OR6C2: variants seen among roughly 807,000 people sequenced by gnomAD.
OR6C2 encodes the protein olfactory receptor 6C2.
For synonymous variants in OR6C2, 146 were observed against 134.2 expected (o/e 1.09, Z -0.61); for missense variants, 435 against 365.8 (o/e 1.19, Z -1.54).
At chr12:55,445,831 C>A (rs1871351535) in intron 1 of OR6C2, among the ~76,000 whole-genome samples, 1 of 152,130 alleles carries the variant, frequency 6.6e-6, no homozygotes, top group South Asian at 2.1e-4. Context: ...AACAAACTTC[C>A]TTAATTGCCT....
chr12:55,450,509 A>C (rs559656909), intron 1 of OR6C2, among the ~76,000 whole-genome samples: 2 of 152,232 alleles, frequency 1.3e-5, no homozygotes, highest in East Asian at 3.9e-4. Context: ...AATAGGTAAC[A>C]CCAGTGGAAC....
Position 55,445,585 on chromosome 12 carries a change from G to T in OR6C2, c.-888+1426G>T, listed in dbSNP as rs114796842. The stretch of plus-strand genomic sequence containing the variant: ...AATAATTAATGCAGGCTAAGGACTG[G>T]AAGCAGTTATTGCTCCATGAACAGA... On this transcript the variant is annotated intron_variant, in intron 1 of 1. Transcript: ENST00000641202. 1.5e-3 allele frequency among the ~76,000 whole-genome samples: 235 copies of T among 152,276 alleles called. 2 individuals carry two copies. The highest frequency in any genetic ancestry group is 5.4e-3 in the African/African-American group (223 of 41,570).
Position 55,445,202 on chromosome 12 carries a change from T to C in OR6C2, c.-888+1043T>C, listed in dbSNP as rs76869304. Among the ~76,000 whole-genome samples the C allele has an allele frequency of 9.6e-3, 1,459 of 152,312 alleles. 19 individuals are homozygous for C. Among genetic ancestry groups the C allele is most frequent in the African/African-American group, 0.033 (1,369 of 41,562 alleles). On this transcript the variant is annotated intron_variant, in intron 1 of 1. Transcript: ENST00000641202. ...CTGGCCAGTATGCTCTGTTAGCATC[T>C]TCATTCTCATTATGCCAGATTCGTA...
chr12:55,453,219 C>A lies in OR6C2; in HGVS notation c.*67C>A. The A allele has an allele frequency of 2.6e-6, 3 of 1,138,696 alleles. No individual in the cohort carries two copies. The highest frequency in any genetic ancestry group is 5.0e-5 in the East Asian group (2 of 40,386). 70.5% of individuals were successfully genotyped at this position (1,138,696 alleles called of 1,614,324 possible). A position where few individuals can be genotyped will look rare whatever the true frequency, so the allele number is the denominator to read the frequency against. On this transcript the variant is annotated 3_prime_UTR_variant, in exon 2 of 2. Coordinates refer to ENST00000641202, the MANE Select transcript of OR6C2 (RefSeq NM_054105.2). ...CTAAATGTCATCCTACAGCTTTTAA[C>A]TTATTTCATTGCTTCCTGACTACAG...
rs749935857 is a variant in OR6C2, at chr12:55,452,795, A to AGTATAAC, written c.582_583insGTATAAC (p.Gln195ValfsTer2). 10 of 1,613,826 alleles carry AGTATAAC rather than the reference A, an allele frequency of 6.2e-6. No individual in the cohort carries two copies. In the East Asian group the frequency reaches 1.8e-4, roughly 29 times the overall value. On this transcript the variant is annotated stop_gained and frameshift_variant, in exon 2 of 2. Coordinates refer to ENST00000641202, the MANE Select transcript of OR6C2 (RefSeq NM_054105.2). LOFTEE classifies it low-confidence loss of function (END_TRUNC). ...CATGCTCAGATACATGGGTAATAGA[A>AGTATAAC]CAGATGGTTATACTTATGGCTGTAT...
chr12:55,452,360 G>A lies in OR6C2; in HGVS notation c.147G>A (p.Val49=). The A allele has an allele frequency of 6.2e-7, 1 of 1,613,556 alleles. No individual in the cohort carries two copies. The highest frequency in any genetic ancestry group is 2.2e-5 in the East Asian group (1 of 44,870). ...TGACTATTATCACCCTCACATTGGT[G>A]GACCACCACCTTAAAACTCCTATGT... ...GNLTIITLTL[V]DHHLKTPMYF... is the part of the protein sequence containing the mutation. Residue 49 remains valine (V), a synonymous_variant, in exon 2 of 2, where the codon GTG becomes GTA. Coordinates refer to ENST00000641202, the MANE Select transcript of OR6C2 (RefSeq NM_054105.2).
chr12:55,453,023 A>T lies in OR6C2; in HGVS notation c.810A>T (p.Lys270Asn). ...CAAAAGATGAGGTGGCCATAAATAA[A>T]GGAGTTTCAGTTCTTACTACTTCTG... is the stretch of plus-strand genomic sequence containing the variant. ...PSAKDEVAIN[K>N]GVSVLTTSVA... The change falls in exon 2 of 2, where the codon AAA becomes AAT. Residue 270 changes from lysine to asparagine, a missense_variant. Physicochemically the swap from Lys to Asn is moderately conservative, Grantham distance 94. Coordinates refer to ENST00000641202, the MANE Select transcript of OR6C2 (RefSeq NM_054105.2). 1 of 1,613,588 alleles carries T rather than the reference A, an allele frequency of 6.2e-7. No homozygotes were observed. The highest frequency in any genetic ancestry group is 1.1e-5 in the South Asian group (1 of 91,078).
At chr12:55,444,533 A>T (rs1006991413) in intron 1 of OR6C2, among the ~76,000 whole-genome samples, 1 of 152,204 alleles carries the variant, frequency 6.6e-6, no homozygotes, top group Non-Finnish European at 1.5e-5. Flanking sequence ...ATGTCTGGCC[A>T]GAAATAATTC....
intron 1 of OR6C2, among the ~76,000 whole-genome samples, chr12:55,449,100 AC>A (rs908384953): frequency 3.3e-5 from 5 of 151,938 alleles, no homozygotes; most frequent in Admixed American, 1.3e-4. Flanking sequence ...CAGCAAATGT[AC>A]TAGGAGTGTT....
intron 1 of OR6C2, among the ~76,000 whole-genome samples, chr12:55,448,643 C>CAAAAAAAAAAA (rs59178718): frequency 0.036 from 2,579 of 71,086 alleles, 145 homozygotes; most frequent in East Asian, 0.096. Context: ...CCATTCACTG[C>CAAAAAAAAAAA]AAAAAAAAAA....
rs1401764883 is a variant in OR6C2, at chr12:55,452,827, T to G, written c.614T>G (p.Leu205Arg). ...QMVILMAVFA[L>R]IITLVCVILS... ...GTTATACTTATGGCTGTATTTGCAC[T>G]CATTATCACCCTAGTTTGTGTGATT... Residue 205 changes from leucine (L) to arginine (R), a missense_variant, in exon 2 of 2, where the codon CTC becomes CGC. Physicochemically the swap from Leu to Arg is moderately radical, Grantham distance 102. Coordinates refer to ENST00000641202, the MANE Select transcript of OR6C2 (RefSeq NM_054105.2). 1.2e-6 allele frequency: 2 copies of G among 1,613,740 alleles called. No individual in the cohort carries two copies. The highest frequency in any genetic ancestry group is 1.7e-6 in the Non-Finnish European group (2 of 1,179,806).
Position 55,453,010 on chromosome 12 carries a change from T to A in OR6C2, c.797T>A (p.Val266Glu), listed in dbSNP as rs78804313. ...ATCAAGCCCTCTGCAAAAGATGAGGTGGCCATAAATAAAGGAGTTTCAGTT... is the reference window on the plus strand; with the variant it reads ...ATCAAGCCCTCTGCAAAAGATGAGGAGGCCATAAATAAAGGAGTTTCAGTT... ...IYIKPSAKDEVAINKGVSVLT... is the reference protein window; with the variant it reads ...IYIKPSAKDEEAINKGVSVLT... The change falls in exon 2 of 2, where the codon GTG (valine) becomes GAG (glutamate). Residue 266 changes from valine to glutamate, a missense_variant. By Grantham distance (121) the Val-to-Glu change is moderately radical (BLOSUM62 -2). Transcript: ENST00000641202. The A allele has an allele frequency of 3.2e-3, 5,136 of 1,613,620 alleles. 18 individuals carry two copies. The highest frequency in any genetic ancestry group is 4.4e-3 in the South Asian group (397 of 91,072).
intron 1 of OR6C2, among the ~76,000 whole-genome samples, chr12:55,446,128 C>CTTCT (rs570154821): frequency 1.6e-4 from 21 of 128,760 alleles, no homozygotes; most frequent in African/African-American, 6.6e-4. Flanking sequence ...TCCTTCTTTC[C>CTTCT]TTCCTTCCTT....
chr12:55,452,570 C>A lies in OR6C2; in HGVS notation c.357C>A (p.Asp119Glu), dbSNP rs147632208. ...EFFLLAAMSY[D>E]RYVAICKPLH... Reference sequence around the variant, plus strand: ...TTCTCTTGGCAGCCATGTCCTATGACCGCTATGTGGCCATCTGTAAACCCC... The same window carrying A: ...TTCTCTTGGCAGCCATGTCCTATGAACGCTATGTGGCCATCTGTAAACCCC... The change falls in exon 2 of 2, where the codon GAC (aspartate) becomes GAA (glutamate). Residue 119 changes from aspartate (D) to glutamate (E), a missense_variant. Transcript: ENST00000641202. The A allele has an allele frequency of 1.0e-4, 161 of 1,613,876 alleles. 2 individuals carry two copies. The South Asian group carries it at 1.4e-3, about 15-fold the overall frequency.
At chr12:55,449,970 T>TAAGAAAATAAGAAAATAA (rs1871436141) in intron 1 of OR6C2, among the ~76,000 whole-genome samples, 1 of 152,016 alleles carries the variant, frequency 6.6e-6, no homozygotes, top group South Asian at 2.1e-4. Flanking sequence ...GAAACAGGTA[T>TAAGAAAATAAGAAAATAA]GAAAATAAGA....
At position 55,452,773 on chromosome 12, in the gene OR6C2, G is replaced by T; in HGVS notation, c.560G>T (p.Cys187Phe). The T allele has an allele frequency of 6.2e-7, 1 of 1,613,866 alleles. No homozygotes were observed. ...CDAGPLLKIS[C>F]SDTWVIEQMV... The stretch of plus-strand genomic sequence containing the variant: ...GCAGGTCCTCTCCTAAAGATCTCAT[G>T]CTCAGATACATGGGTAATAGAACAG... The change falls in exon 2 of 2, where the codon TGC (cysteine) becomes TTC (phenylalanine). Residue 187 changes from cysteine to phenylalanine, a missense_variant. Transcript: ENST00000641202.
At chr12:55,445,847 G>C (rs7957446) in intron 1 of OR6C2, among the ~76,000 whole-genome samples, 33,961 of 151,992 alleles carry the variant, frequency 0.22, 3,989 homozygotes, top group East Asian at 0.5. Context: ...TGCCTAGGTG[G>C]TTCTCAAATA....
At position 55,452,067 on chromosome 12, in the gene OR6C2, A is replaced by G. The variant is rs1227411233; in HGVS notation, c.-147A>G. The G allele has an allele frequency of 1.1e-5, 6 of 533,494 alleles. No individual in the cohort carries two copies. Among genetic ancestry groups the G allele is most frequent in the African/African-American group, 1.9e-5 (1 of 52,612 alleles). 33.0% of individuals were successfully genotyped at this position (533,494 alleles called of 1,614,324 possible). ...GAAAGGTTATTGGAACACTGGCAAC[A>G]TTGATTATTCTATAAAGGGAGAAAA... On this transcript the variant is annotated 5_prime_UTR_variant, in exon 2 of 2. Coordinates refer to ENST00000641202, the MANE Select transcript of OR6C2 (RefSeq NM_054105.2).
chr12:55,444,576 C>T (rs1021408965), intron 1 of OR6C2, among the ~76,000 whole-genome samples: 3 of 152,094 alleles, frequency 2.0e-5, no homozygotes, highest in African/African-American at 4.8e-5. Context: ...AACAAAAATG[C>T]TCCCTTAATG....
Sources: allele counts gnomAD v4.1 joint callset (sites outside exome capture counted in the v4.1 genomes callset), GRCh38; gene constraint gnomAD v4.1.1; transcripts MANE v1.5; gene names NCBI Gene and HGNC (gene_info 2026-07-23, HGNC 2026-07-21).